IL1RAPL2: variants seen among roughly 807,000 people sequenced by gnomAD.
The protein encoded by IL1RAPL2 is interleukin 1 receptor accessory protein like 2.
A neutral mutation model predicts 44.1 loss-of-function variants in IL1RAPL2; 3 were observed. That is an observed-to-expected ratio of 0.07 (90% CI 0.03 to 0.18). The LOEUF (loss-of-function observed/expected upper bound fraction) is 0.18. Among genes scored for constraint, IL1RAPL2 ranks in the 10% least tolerant of loss-of-function variants. The pLI is 1.00. For missense variants in IL1RAPL2, 391 were observed against 496.4 expected (o/e 0.79, Z 2.02); for synonymous variants, 181 against 178.8 (o/e 1.01, Z -0.10).
chrX:104,813,710 T>C (rs1602740300), intron 2 of IL1RAPL2, among the ~76,000 whole-genome samples: 2 of 111,526 alleles, frequency 1.8e-5, no homozygotes, highest in African/African-American at 3.3e-5. Context: ...ATCTTAGGTA[T>C]AACATTGCTG....
At chrX:105,301,811 C>G (rs753601104) in intron 5 of IL1RAPL2, among the ~76,000 whole-genome samples, 80 of 112,166 alleles carry the variant, frequency 7.1e-4, no homozygotes, top group African/African-American at 2.5e-3. Context: ...TCTTGGCTAT[C>G]ATGAATAGCA....
intron 2 of IL1RAPL2, among the ~76,000 whole-genome samples, chrX:104,835,927 A>C (rs1921731598): frequency 9.0e-6 from 1 of 111,645 alleles, no homozygotes. Flanking sequence ...GATGGTGATT[A>C]AATTGGATCT....
chrX:104,674,883 C>T (rs1254457218), intron 2 of IL1RAPL2, among the ~76,000 whole-genome samples: 23 of 111,753 alleles, frequency 2.1e-4, no homozygotes, highest in Non-Finnish European at 3.0e-4. Flanking sequence ...AGTTTATTTG[C>T]GTAGAGGTGT....
At chrX:104,965,020 GA>G (rs2030092468) in intron 2 of IL1RAPL2, among the ~76,000 whole-genome samples, 3 of 111,307 alleles carry the variant, frequency 2.7e-5, no homozygotes. Context: ...GAAATTCAGG[GA>G]AAACAGCCAG....
chrX:105,660,483 C>T (rs771938208), intron 6 of IL1RAPL2, among the ~76,000 whole-genome samples: 1 of 111,030 alleles, frequency 9.0e-6, no homozygotes, highest in Non-Finnish European at 1.9e-5. Flanking sequence ...CAGAATATTA[C>T]AATGCTGGAA....
At chrX:105,090,237 C>G (rs2032527550) in intron 2 of IL1RAPL2, among the ~76,000 whole-genome samples, 1 of 111,370 alleles carries the variant, frequency 9.0e-6, no homozygotes, top group African/African-American at 3.3e-5. Context: ...AGGACCCCCA[C>G]ATATTCCCAA....
intron 2 of IL1RAPL2, among the ~76,000 whole-genome samples, chrX:105,141,037 C>T: frequency 8.9e-6 from 1 of 111,862 alleles, no homozygotes; most frequent in Middle Eastern, 4.7e-3. Context: ...TAATGTGTCT[C>T]AGGCCAAGCC....
At chrX:105,533,198 A>T (rs994697067) in intron 6 of IL1RAPL2, among the ~76,000 whole-genome samples, 1 of 112,059 alleles carries the variant, frequency 8.9e-6, no homozygotes, top group African/African-American at 3.2e-5. Flanking sequence ...TCAAAAAAAT[A>T]AAAAAATAAA....
At chrX:104,758,360 A>AT (rs1300369994) in intron 2 of IL1RAPL2, among the ~76,000 whole-genome samples, 3 of 110,816 alleles carry the variant, frequency 2.7e-5, no homozygotes, top group Non-Finnish European at 5.7e-5. Context: ...AGATCATATA[A>AT]TTTTTTTCTT....
At chrX:105,202,471 C>T in intron 3 of IL1RAPL2, among the ~76,000 whole-genome samples, 1 of 112,443 alleles carries the variant, frequency 8.9e-6, no homozygotes, top group Non-Finnish European at 1.9e-5. Flanking sequence ...ATGAGTGTGG[C>T]AGGCCACCTG....
intron 2 of IL1RAPL2, among the ~76,000 whole-genome samples, chrX:104,908,585 A>C (rs1465437239): frequency 4.0e-4 from 45 of 111,376 alleles, no homozygotes; most frequent in Non-Finnish European, 6.2e-4. Context: ...CTGGATATGA[A>C]ATTCTGGGTT....
At chrX:105,540,847 A>ATATAATATATG (rs1569452104) in intron 6 of IL1RAPL2, among the ~76,000 whole-genome samples, 1 of 21,450 alleles carries the variant, frequency 4.7e-5, no homozygotes, top group African/African-American at 1.5e-4. Flanking sequence ...TATAATACAT[A>ATATAATATATG]CATATATTAT....
chrX:105,766,889 C>G (rs889195261), intron 10 of IL1RAPL2, 75 bp from the exon 11 acceptor site: 2 of 678,871 alleles, frequency 2.9e-6, no homozygotes, highest in African/African-American at 4.4e-5. Context: ...CTTTGCTATA[C>G]TAGTGTGCAA....
intron 5 of IL1RAPL2, among the ~76,000 whole-genome samples, chrX:105,307,326 C>T (rs2034747361): frequency 2.2e-5 from 2 of 92,531 alleles, no homozygotes; most frequent in Non-Finnish European, 4.2e-5. Flanking sequence ...GTCCCAACTA[C>T]TTGGGAAGCT....
At chrX:105,269,181 T>G (rs2147657297) in intron 5 of IL1RAPL2, among the ~76,000 whole-genome samples, 1 of 110,848 alleles carries the variant, frequency 9.0e-6, no homozygotes, top group East Asian at 2.8e-4. Flanking sequence ...GCAATACATT[T>G]TTTCTTCTAT....
At chrX:105,112,128 G>A (rs1259497174) in intron 2 of IL1RAPL2, among the ~76,000 whole-genome samples, 1 of 111,733 alleles carries the variant, frequency 8.9e-6, no homozygotes, top group Non-Finnish European at 1.9e-5. Flanking sequence ...AGCATTGGGA[G>A]AACACCCTTT....
At chrX:105,200,591 A>C (rs189761677) in intron 3 of IL1RAPL2, among the ~76,000 whole-genome samples, 55 of 112,319 alleles carry the variant, frequency 4.9e-4, no homozygotes, top group Non-Finnish European at 9.0e-4. Context: ...ATAGTCATAT[A>C]ATCCTGCATT....
intron 2 of IL1RAPL2, among the ~76,000 whole-genome samples, chrX:105,167,625 G>A (rs867815694): frequency 7.6e-5 from 3 of 39,624 alleles, no homozygotes; most frequent in African/African-American, 1.2e-4. Flanking sequence ...TCCTCCCCCC[G>A]CCCACCCCCC....
intron 5 of IL1RAPL2, among the ~76,000 whole-genome samples, chrX:105,362,848 A>C (rs999261901): frequency 9.0e-6 from 1 of 111,178 alleles, no homozygotes; most frequent in East Asian, 2.8e-4. Context: ...TATCCATTTT[A>C]TGTTTTTGTG....
Sources: allele counts gnomAD v4.1 joint callset (sites outside exome capture counted in the v4.1 genomes callset), GRCh38; gene constraint gnomAD v4.1.1; transcripts MANE v1.5; gene names NCBI Gene and HGNC (gene_info 2026-07-23, HGNC 2026-07-21).